Variants in ZCCHC14 observed in about 807,000 individuals in gnomAD.
ZCCHC14 encodes zinc finger CCHC-type containing 14, also known as zinc finger CCHC domain-containing protein 14.
A neutral mutation model predicts 85.0 loss-of-function variants in ZCCHC14; 16 were observed. That is an observed-to-expected ratio of 0.19 (90% CI 0.13 to 0.29). The LOEUF is 0.29. ZCCHC14 is among the 10% of genes least tolerant of loss of function. The pLI is 1.00. For synonymous variants in ZCCHC14, 775 were observed against 630.7 expected, an observed-to-expected ratio of 1.23 and a Z score of -3.43; for missense variants, 1,303 against 1,443.5, an observed-to-expected ratio of 0.90 and a Z score of 1.58.
intron 1 of ZCCHC14, among the ~76,000 whole-genome samples, chr16:87,469,725 G>C (rs1242777409): frequency 6.6e-6 from 1 of 152,162 alleles, no homozygotes; most frequent in East Asian, 1.9e-4. Context: ...CGGAGCTCTG[G>C]GAGGATCCAG....
rs570400373 is a variant in ZCCHC14 at position 87,455,014 on chromosome 16, C to T, written c.694+4994G>A. Among the ~76,000 whole-genome samples, 357 of 152,320 alleles carry T rather than the reference C, an allele frequency of 2.3e-3. 2 individuals carry two copies. Among genetic ancestry groups the T allele is most frequent in the Non-Finnish European group, 3.2e-3 (219 of 68,026 alleles). ...GCTTTAAAAAATCCTGGAGGCCGAG[C>T]GCCGTGGCTCACATCTGTAATCCCA... On this transcript the variant is annotated intron_variant, in intron 2 of 12. Coordinates refer to ENST00000671377, the MANE Select transcript of ZCCHC14 (RefSeq NM_015144.3).
Position 87,426,412 on chromosome 16 carries a change from C to T in ZCCHC14, c.769-2531G>A, listed in dbSNP as rs529350507. 4.6e-5 allele frequency among the ~76,000 whole-genome samples: 7 copies of T among 152,344 alleles called. No individual in the cohort carries two copies. The South Asian group carries it at 1.2e-3, about 27-fold the overall frequency. On this transcript the variant is annotated intron_variant, in intron 3 of 12. Transcript: ENST00000671377. ...GATTCTGGCACAGCATCTTCTATCA[C>T]GTCCCTGAAAAGCTACTTAGCCTTA...
rs1035151295 is a variant in ZCCHC14 at position 87,408,548 on chromosome 16, T to A, written c.*1732A>T. On this transcript the variant is annotated 3_prime_UTR_variant, in exon 13 of 13. Coordinates refer to ENST00000671377, the MANE Select transcript of ZCCHC14 (RefSeq NM_015144.3). ...GTAACATTCCCCTAAATAGCTGTTG[T>A]AATAAGCATCACCATTACTTCAACA... The A allele has an allele frequency of 2.6e-5, 4 of 152,634 alleles. No homozygotes were observed. Among genetic ancestry groups the A allele is most frequent in the African/African-American group, 9.6e-5 (4 of 41,472 alleles). 9.5% of individuals were successfully genotyped at this position (152,634 alleles called of 1,614,324 possible). A position where few individuals can be genotyped will look rare whatever the true frequency, so the allele number is the denominator to read the frequency against.
intron 1 of ZCCHC14, among the ~76,000 whole-genome samples, chr16:87,462,808 G>A (rs1200276217): frequency 1.3e-5 from 2 of 151,700 alleles, no homozygotes; most frequent in African/African-American, 4.8e-5. Context: ...AGTGGCTCAC[G>A]CCAGTAATCC....
intron 1 of ZCCHC14, among the ~76,000 whole-genome samples, chr16:87,466,657 T>C (rs989838177): frequency 1.3e-5 from 2 of 152,228 alleles, no homozygotes; most frequent in Admixed American, 1.3e-4. Context: ...ACAGGAGCGC[T>C]GAGCATGAAG....
At position 87,492,917 on chromosome 16, in the gene ZCCHC14, G is replaced by GCGGCGGCGGCGA. The variant is rs1555527008; in HGVS notation, c.-680_-679insTCGCCGCCGCCG. 6.9e-6 allele frequency among the ~76,000 whole-genome samples: 1 copy of GCGGCGGCGGCGA among 145,324 alleles called. No homozygotes were observed. The highest frequency in any genetic ancestry group is 2.1e-4 in the South Asian group (1 of 4,698). On this transcript the variant is annotated 5_prime_UTR_variant, in exon 1 of 13. Transcript: ENST00000671377. This position sits in a 1 kb window ranked among gnomAD's most constrained non-coding sequence, Gnocchi z 6.7. ...GGATCCGGGCCCGAGCGCGGCGGCG[G>GCGGCGGCGGCGA]CGGCGACGGCGACGGCGACGGCGAC... is the stretch of plus-strand genomic sequence containing the variant.
chr16:87,433,079 TTTC>T, intron 3 of ZCCHC14, 46 bp downstream of exon 3: 1 of 1,587,314 alleles, frequency 6.3e-7, no homozygotes, highest in South Asian at 1.1e-5. Flanking sequence ...GGGTAAGTGT[TTTC>T]TTCCTAGCCT....
chr16:87,423,452 C>T (rs926377737), intron 4 of ZCCHC14, among the ~76,000 whole-genome samples: 3 of 151,958 alleles, frequency 2.0e-5, no homozygotes, highest in African/African-American at 7.3e-5. Flanking sequence ...AAGTCTCTAC[C>T]CACTCAGCCA....
intron 2 of ZCCHC14, among the ~76,000 whole-genome samples, chr16:87,442,814 C>T (rs536942264): frequency 5.3e-5 from 8 of 152,296 alleles, no homozygotes; most frequent in South Asian, 2.1e-4. Context: ...CTGGGACTTT[C>T]GCATCAGAAA....
rs114637290 is a variant in ZCCHC14 at position 87,489,641 on chromosome 16, G to A, written c.570+2028C>T. ...AGAAGGATCCTGGCCAAGGTTGCAC[G>A]GCTGGTAAATTCAGCGCCCATGGCC... On this transcript the variant is annotated intron_variant, in intron 1 of 12. Coordinates refer to ENST00000671377, the MANE Select transcript of ZCCHC14 (RefSeq NM_015144.3). Among the ~76,000 whole-genome samples, 685 of 152,314 alleles carry A rather than the reference G, an allele frequency of 4.5e-3. 5 individuals carry two copies. The highest frequency in any genetic ancestry group is 0.016 in the African/African-American group (659 of 41,560).
intron 1 of ZCCHC14, among the ~76,000 whole-genome samples, chr16:87,464,303 C>T (rs1487730370): frequency 6.6e-6 from 1 of 152,196 alleles, no homozygotes; most frequent in Non-Finnish European, 1.5e-5. Flanking sequence ...ATCCCACACT[C>T]CCCACCAAAA....
At position 87,428,918 on chromosome 16, in the gene ZCCHC14, G is replaced by A. The variant is rs376455994; in HGVS notation, c.768+4210C>T. On this transcript the variant is annotated intron_variant, in intron 3 of 12. Coordinates refer to ENST00000671377, the MANE Select transcript of ZCCHC14 (RefSeq NM_015144.3). ...ACTGCCGGGGGTGGTATTCCACTGC[G>A]TGGACATAACACCAGGGTTGGCCTG... Among the ~76,000 whole-genome samples the A allele has an allele frequency of 1.1e-4, 17 of 152,316 alleles. No individual in the cohort carries two copies. The South Asian group carries it at 3.5e-3, about 32-fold the overall frequency.
intron 1 of ZCCHC14, among the ~76,000 whole-genome samples, chr16:87,487,438 C>T (rs1230803284): frequency 6.6e-6 from 1 of 152,218 alleles, no homozygotes; most frequent in Non-Finnish European, 1.5e-5. Context: ...CTCCCCCATA[C>T]CTGTCGCTGA....
chr16:87,451,570 A>G lies in ZCCHC14; in HGVS notation c.694+8438T>C, dbSNP rs557855307. 3.3e-5 allele frequency among the ~76,000 whole-genome samples: 5 copies of G among 152,358 alleles called. No individual in the cohort carries two copies. In the East Asian group the frequency reaches 9.6e-4, roughly 29 times the overall value. On this transcript the variant is annotated intron_variant, in intron 2 of 12. Coordinates refer to ENST00000671377, the MANE Select transcript of ZCCHC14 (RefSeq NM_015144.3). The stretch of plus-strand genomic sequence containing the variant: ...CCTTAGGAAAGTCACTTATTTACAT[A>G]TTAAGGTAAACATTCTGCTCGGCAT...
At chr16:87,427,576 A>C (rs1460195922) in intron 3 of ZCCHC14, among the ~76,000 whole-genome samples, 1 of 152,164 alleles carries the variant, frequency 6.6e-6, no homozygotes, top group Non-Finnish European at 1.5e-5. Flanking sequence ...GATAACACTA[A>C]AATAACGTCT....
chr16:87,444,217 T>C (rs531908086), intron 2 of ZCCHC14, among the ~76,000 whole-genome samples: 1 of 152,066 alleles, frequency 6.6e-6, no homozygotes, highest in African/African-American at 2.4e-5. Context: ...CCGTTGGAAA[T>C]TGTTGATTTC....
intron 1 of ZCCHC14, among the ~76,000 whole-genome samples, chr16:87,468,366 GGA>G (rs2150766503): frequency 6.6e-6 from 1 of 152,206 alleles, no homozygotes; most frequent in South Asian, 2.1e-4. Context: ...CATAAATTCA[GGA>G]GAGTATGTGT....
chr16:87,460,440 A>G (rs1425784200), intron 1 of ZCCHC14, among the ~76,000 whole-genome samples: 1 of 152,198 alleles, frequency 6.6e-6, no homozygotes, highest in Non-Finnish European at 1.5e-5. Context: ...CTGTTATCCC[A>G]GCACTTTAGG....
At chr16:87,484,961 C>T (rs570457767) in intron 1 of ZCCHC14, among the ~76,000 whole-genome samples, 4 of 152,216 alleles carry the variant, frequency 2.6e-5, no homozygotes, top group African/African-American at 4.8e-5. Context: ...ACCAAACCGG[C>T]GGTGAGGGAC....
Sources: gnomAD v4.1 joint callset for allele counts (sites outside exome capture counted in the v4.1 genomes callset) on GRCh38, gnomAD v4.1.1 for gene constraint, Gnocchi (gnomAD v3.1) non-coding constraint, MANE v1.5 for transcripts, NCBI Gene and HGNC (gene_info 2026-07-23, HGNC 2026-07-21) for gene names.